The following SPATA22 variants were observed in gnomAD, a reference collection of about 807,000 sequenced individuals.
The protein encoded by SPATA22 is spermatogenesis associated 22.
SPATA22 carries 29 observed loss-of-function variants against 47.8 expected under a neutral mutation model. That is an observed-to-expected ratio of 0.61 (90% confidence interval 0.45 to 0.83). The LOEUF (loss-of-function observed/expected upper bound fraction) is 0.83. Among genes scored for constraint, SPATA22 ranks in the 40% least tolerant of loss-of-function variants. The pLI, the probability that SPATA22 is intolerant of heterozygous loss-of-function variation, is 0.00. For synonymous variants in SPATA22, 133 were observed against 140.9 expected, an observed-to-expected ratio of 0.94 and a Z score of 0.40; for missense variants, 410 against 421.7, an observed-to-expected ratio of 0.97 and a Z score of 0.24.
intron 3 of SPATA22, among the ~76,000 whole-genome samples, chr17:3,465,312 C>T (rs1316006913): frequency 6.6e-6 from 1 of 151,802 alleles, no homozygotes; most frequent in Non-Finnish European, 1.5e-5. Flanking sequence ...GCCATGATGA[C>T]AATGGCGGTT....
chr17:3,498,179 C>T (rs1355073628), intron 1 of SPATA22, among the ~76,000 whole-genome samples: 1 of 152,140 alleles, frequency 6.6e-6, no homozygotes, highest in Non-Finnish European at 1.5e-5. Flanking sequence ...GAATGTCTTG[C>T]ACACAGAAGA....
intron 5 of SPATA22, among the ~76,000 whole-genome samples, chr17:3,449,400 G>A (rs2072806518): frequency 6.6e-6 from 1 of 152,112 alleles, no homozygotes. Flanking sequence ...CACAAGTCTA[G>A]AACCCAGGAA....
chr17:3,463,296 TAG>T (rs2073172943), intron 3 of SPATA22, among the ~76,000 whole-genome samples: 1 of 152,196 alleles, frequency 6.6e-6, no homozygotes, highest in East Asian at 1.9e-4. Context: ...GCAAACAACA[TAG>T]AGTGTACTTA....
intron 1 of SPATA22, chr17:3,499,923 C>T (rs1419983167): frequency 6.6e-6 from 1 of 152,144 alleles, no homozygotes; most frequent in African/African-American, 2.4e-5. Flanking sequence ...ACTGGTTAGC[C>T]AAGTTGTGAA....
intron 2 of SPATA22, 26 bp from the exon 3 acceptor site, chr17:3,467,580 G>T: frequency 6.3e-7 from 1 of 1,577,894 alleles, no homozygotes; most frequent in Non-Finnish European, 8.6e-7. Flanking sequence ...CAATAAATTA[G>T]TACATAATAG....
intron 3 of SPATA22, among the ~76,000 whole-genome samples, chr17:3,463,433 T>C (rs549720506): frequency 1.7e-4 from 26 of 152,200 alleles, no homozygotes; most frequent in Admixed American, 5.9e-4. Flanking sequence ...AACATAATAG[T>C]ATTTGTGTAT....
intron 1 of SPATA22, among the ~76,000 whole-genome samples, chr17:3,505,459 C>T (rs1013001589): frequency 3.3e-5 from 5 of 152,162 alleles, no homozygotes; most frequent in Non-Finnish European, 7.3e-5. Context: ...AGCGGGTTGT[C>T]ACTTCCCTCA....
intron 6 of SPATA22, 109 bp downstream of exon 6, chr17:3,448,698 G>A (rs2072783562): frequency 2.0e-5 from 15 of 748,928 alleles, no homozygotes; most frequent in Non-Finnish European, 2.7e-5. Flanking sequence ...ATCAAGTAAT[G>A]TATGTCATGG....
chr17:3,449,215 A>G, intron 5 of SPATA22, 66 bp from the exon 6 acceptor site: 1 of 1,206,632 alleles, frequency 8.3e-7, no homozygotes, highest in Non-Finnish European at 1.1e-6. Flanking sequence ...AAAATTAATA[A>G]TGAAAAATTC....
chr17:3,454,082 T>C lies in SPATA22; in HGVS notation c.330-4933A>G, dbSNP rs114086008. On this transcript the variant is annotated intron_variant, in intron 5 of 8. Coordinates refer to ENST00000572969, the MANE Select transcript of SPATA22 (RefSeq NM_001170698.2). ...CAGGAGCATTTCTTTACACCAACAATAGATATTCCAAAAGGAAACCAAGAG... is the reference window on the plus strand; with the variant it reads ...CAGGAGCATTTCTTTACACCAACAACAGATATTCCAAAAGGAAACCAAGAG... Among the ~76,000 whole-genome samples the C allele has an allele frequency of 2.3e-3, 352 of 151,662 alleles. 3 individuals are homozygous for C. Among genetic ancestry groups the C allele is most frequent in the African/African-American group, 7.5e-3 (309 of 41,344 alleles).
At chr17:3,450,317 AT>A (rs1214125358) in intron 5 of SPATA22, among the ~76,000 whole-genome samples, 1 of 152,198 alleles carries the variant, frequency 6.6e-6, no homozygotes, top group African/African-American at 2.4e-5. Context: ...AGCTTGTATA[AT>A]TTGGGGAACA....
chr17:3,451,140 A>T (rs1948173), intron 5 of SPATA22, among the ~76,000 whole-genome samples: 1 of 152,142 alleles, frequency 6.6e-6, no homozygotes, highest in South Asian at 2.1e-4. Context: ...AACAGCAACC[A>T]AAAGAAAACA....
intron 5 of SPATA22, among the ~76,000 whole-genome samples, chr17:3,462,091 A>G (rs1280366835): frequency 6.6e-6 from 1 of 152,176 alleles, no homozygotes; most frequent in Non-Finnish European, 1.5e-5. Context: ...GCTGTCTTAC[A>G]GGATAAGACT....
intron 5 of SPATA22, among the ~76,000 whole-genome samples, chr17:3,456,830 C>T (rs1021559210): frequency 1.3e-5 from 2 of 151,590 alleles, no homozygotes; most frequent in African/African-American, 4.9e-5. Context: ...TCCAGCAGCA[C>T]ATCAAAAAGC....
chr17:3,453,425 A>G (rs2072909299), intron 5 of SPATA22, among the ~76,000 whole-genome samples: 1 of 152,260 alleles, frequency 6.6e-6, no homozygotes, highest in Admixed American at 6.5e-5. Context: ...AAATAGATGC[A>G]GAAAAAGCAT....
intron 5 of SPATA22, among the ~76,000 whole-genome samples, chr17:3,456,296 G>A (rs986336026): frequency 1.1e-4 from 16 of 150,960 alleles, no homozygotes; most frequent in Admixed American, 2.7e-4. Context: ...TTGATAGACC[G>A]CTAGCAAGAC....
intron 5 of SPATA22, among the ~76,000 whole-genome samples, chr17:3,461,826 C>A (rs1223486029): frequency 6.6e-6 from 1 of 152,160 alleles, no homozygotes. Flanking sequence ...GTTTTCCCAG[C>A]ACTTTGTTTC....
At chr17:3,507,274 A>G (rs1267479369) in intron 1 of SPATA22, among the ~76,000 whole-genome samples, 1 of 152,246 alleles carries the variant, frequency 6.6e-6, no homozygotes, top group East Asian at 1.9e-4. Context: ...GAAATAGAAC[A>G]GCTGGACAGT....
chr17:3,464,888 TGG>T (rs557037862), intron 3 of SPATA22, among the ~76,000 whole-genome samples: 804 of 67,572 alleles, frequency 0.012, 8 homozygotes, highest in Non-Finnish European at 0.02. Flanking sequence ...GGGAGGGGGG[TGG>T]GGGGGGGTCA....
Sources: gnomAD v4.1 joint callset for allele counts (sites outside exome capture counted in the v4.1 genomes callset) on GRCh38, gnomAD v4.1.1 for gene constraint, MANE v1.5 for transcripts, NCBI Gene and HGNC (gene_info 2026-07-23, HGNC 2026-07-21) for gene names.